Variants in ZNF592 observed in about 807,000 individuals in gnomAD.
ZNF592 encodes spinocerebellar ataxia, autosomal recessive 5.
In ZNF592, 11 loss-of-function variants were observed where a neutral mutation model predicts 80.3. The ratio of observed to expected loss-of-function variants is 0.14; its 90% CI spans 0.09 to 0.23. The LOEUF is 0.23. ZNF592 is among the 10% of genes least tolerant of loss of function. The pLI, the probability that ZNF592 is intolerant of heterozygous loss-of-function variation, is 1.00. For missense variants in ZNF592, 1,420 were observed against 1,633.9 expected (o/e 0.87, Z 2.26); for synonymous variants, 646 against 640.3 (o/e 1.01, Z -0.13).
chr15:84,767,064 G>A (rs1263477740), intron 2 of ZNF592, among the ~76,000 whole-genome samples: 3 of 152,052 alleles, frequency 2.0e-5, no homozygotes. Flanking sequence ...GCGTGATCTC[G>A]GCTCACTACA....
intron 3 of ZNF592, among the ~76,000 whole-genome samples, chr15:84,780,232 C>A (rs1352023269): frequency 6.6e-6 from 1 of 152,110 alleles, no homozygotes; most frequent in Non-Finnish European, 1.5e-5. Context: ...GGTGATCCAC[C>A]TACCTCAGCC....
rs1363961443 is a variant in ZNF592, at chr15:84,803,662, G to C, written c.*1269G>C. The C allele has an allele frequency of 6.6e-6, 1 of 152,234 alleles. No individual in the cohort carries two copies. The highest frequency in any genetic ancestry group is 1.5e-5 in the Non-Finnish European group (1 of 68,038). 9.4% of individuals were successfully genotyped at this position (152,234 alleles called of 1,614,324 possible). A position where few individuals can be genotyped will look rare whatever the true frequency, so the allele number is the denominator to read the frequency against. On this transcript the variant is annotated 3_prime_UTR_variant, in exon 11 of 11. Transcript: ENST00000560079. ...CCCCTTACTGGTAAAAAGGGAAAAG[G>C]GGGTGGAGAAGAGGAATTTTATAAT...
At position 84,784,981 on chromosome 15, in the gene ZNF592, AT is replaced by A; in HGVS notation, c.2220+87del. On this transcript the variant is annotated intron_variant, in intron 4 of 10. Coordinates refer to ENST00000560079, the MANE Select transcript of ZNF592 (RefSeq NM_014630.3). This position sits in a 1 kb window ranked among gnomAD's most constrained non-coding sequence, Gnocchi z 5.8. ...GGCATGGAGAGGAAAGCTCATTGAT[AT>A]GGGGGCAGTGGTGGAATCTTATGAG... The A allele has an allele frequency of 3.5e-6, 5 of 1,434,562 alleles. No homozygotes were observed. The highest frequency in any genetic ancestry group is 4.9e-6 in the Non-Finnish European group (5 of 1,019,190). 88.9% of individuals were successfully genotyped at this position (1,434,562 alleles called of 1,614,324 possible). A position where few individuals can be genotyped will look rare whatever the true frequency, so the allele number is the denominator to read the frequency against.
intron 1 of ZNF592, among the ~76,000 whole-genome samples, chr15:84,757,205 C>G (rs1385210198): frequency 6.6e-6 from 1 of 152,190 alleles, no homozygotes; most frequent in Non-Finnish European, 1.5e-5. Context: ...ATCCTTCCAC[C>G]TTAGCTTCAC....
At position 84,798,892 on chromosome 15, in the gene ZNF592, A is replaced by G; in HGVS notation, c.3024+17A>G. 2 of 1,598,118 alleles carry G rather than the reference A, an allele frequency of 1.3e-6. No individual in the cohort carries two copies. The highest frequency in any genetic ancestry group is 1.7e-6 in the Non-Finnish European group (2 of 1,179,524). On this transcript the variant is annotated intron_variant, in intron 8 of 10. Coordinates refer to ENST00000560079, the MANE Select transcript of ZNF592 (RefSeq NM_014630.3). The surrounding 1 kb of genome is among the most constrained non-coding windows in gnomAD (Gnocchi z 4.5). ...CACGGTCGGGTAAGTGCAGCCACAC[A>G]GTCATAATGCAGAGCCCAGTCCTCT...
At chr15:84,794,101 G>A (rs1962825841) in intron 5 of ZNF592, among the ~76,000 whole-genome samples, 1 of 152,106 alleles carries the variant, frequency 6.6e-6, no homozygotes, top group South Asian at 2.1e-4. Context: ...GCGGGTGGGG[G>A]GCTAGGGGAG....
intron 3 of ZNF592, among the ~76,000 whole-genome samples, chr15:84,779,066 C>T (rs1962348255): frequency 2.6e-5 from 4 of 152,122 alleles, no homozygotes; most frequent in Admixed American, 2.6e-4. Context: ...GGAAGAAACT[C>T]CCTTGTAGAG....
intron 4 of ZNF592, among the ~76,000 whole-genome samples, chr15:84,786,544 C>G (rs1357391950): frequency 6.6e-6 from 1 of 152,116 alleles, no homozygotes; most frequent in Admixed American, 6.5e-5. Flanking sequence ...TTTGGCGGGC[C>G]TGTAGGGCTT....
chr15:84,777,839 A>G (rs1962306605), intron 2 of ZNF592, among the ~76,000 whole-genome samples: 1 of 151,232 alleles, frequency 6.6e-6, no homozygotes, highest in Admixed American at 6.6e-5. Context: ...AGCTGGGACT[A>G]TAGGCGCCCA....
chr15:84,760,657 T>G (rs2141963935), intron 1 of ZNF592, among the ~76,000 whole-genome samples: 1 of 152,166 alleles, frequency 6.6e-6, no homozygotes, highest in African/African-American at 2.4e-5. Flanking sequence ...GGTGTAGAGA[T>G]AGGGTAGCAA....
Position 84,796,265 on chromosome 15 carries a change from T to TATA in ZNF592, c.2400-1604_2400-1603insATA, listed in dbSNP as rs1396711040. ...ATATATATATATATATATATATATA[T>TATA]TTTATATATATATATATATATATAT... On this transcript the variant is annotated intron_variant, in intron 5 of 10. Coordinates refer to ENST00000560079, the MANE Select transcript of ZNF592 (RefSeq NM_014630.3). Among the ~76,000 whole-genome samples the TATA allele has an allele frequency of 3.4e-4, 15 of 43,650 alleles. No homozygotes were observed. The South Asian group carries it at 3.9e-3, about 11-fold the overall frequency. The allele number at this position is 43,650 out of a possible 152,430, so 28.6% of individuals were successfully genotyped here. A position where few individuals can be genotyped will look rare whatever the true frequency, so the allele number is the denominator to read the frequency against.
chr15:84,769,139 C>T (rs573704558), intron 2 of ZNF592, among the ~76,000 whole-genome samples: 3 of 152,064 alleles, frequency 2.0e-5, no homozygotes, highest in African/African-American at 7.2e-5. Context: ...CAGGGTTTCA[C>T]CATGTTGGTG....
rs1219451513 is a variant in ZNF592 at position 84,765,705 on chromosome 15, A to C, written c.-150+890A>C. 2.6e-5 allele frequency among the ~76,000 whole-genome samples: 4 copies of C among 151,742 alleles called. No homozygotes were observed. The South Asian group carries it at 8.4e-4, about 32-fold the overall frequency. On this transcript the variant is annotated intron_variant, in intron 2 of 10. Transcript: ENST00000560079. ...AGGTGCATGCCACCATGCCCAGCTA[A>C]ATTTTATATTTTCAGTAGAGACGGG...
At chr15:84,768,528 G>A (rs1042967061) in intron 2 of ZNF592, among the ~76,000 whole-genome samples, 6 of 151,952 alleles carry the variant, frequency 3.9e-5, no homozygotes, top group African/African-American at 7.3e-5. Context: ...ATGAGCCACC[G>A]TGCCCAGCCT....
intron 2 of ZNF592, among the ~76,000 whole-genome samples, chr15:84,773,307 G>A (rs557092895): frequency 1.5e-3 from 224 of 151,766 alleles, no homozygotes; most frequent in African/African-American, 5.1e-3. Flanking sequence ...CGCCTCCCGG[G>A]TTCACGCCAT....
At chr15:84,769,917 A>G (rs1298593988) in intron 2 of ZNF592, among the ~76,000 whole-genome samples, 2 of 152,178 alleles carry the variant, frequency 1.3e-5, no homozygotes, top group Non-Finnish European at 2.9e-5. Flanking sequence ...CTGGTACTAC[A>G]GGCATGGGCC....
intron 1 of ZNF592, among the ~76,000 whole-genome samples, chr15:84,758,407 C>T (rs1189019261): frequency 2.0e-5 from 3 of 152,066 alleles, no homozygotes; most frequent in Non-Finnish European, 4.4e-5. Flanking sequence ...CTCAGTCACC[C>T]AAGTAGCTGG....
chr15:84,750,591 A>T (rs764035079), intron 1 of ZNF592, among the ~76,000 whole-genome samples: 17 of 152,196 alleles, frequency 1.1e-4, no homozygotes, highest in Non-Finnish European at 1.0e-4. Flanking sequence ...CTTCCTAAGA[A>T]GGTGTCTTTC....
At chr15:84,774,490 A>G (rs1256885042) in intron 2 of ZNF592, among the ~76,000 whole-genome samples, 3 of 152,232 alleles carry the variant, frequency 2.0e-5, no homozygotes, top group African/African-American at 7.2e-5. Context: ...GGGTTCCCTT[A>G]TGGGTTGGAA....
Sources: allele counts gnomAD v4.1 joint callset (sites outside exome capture counted in the v4.1 genomes callset), GRCh38; gene constraint gnomAD v4.1.1; non-coding constraint Gnocchi (gnomAD v3.1); transcripts MANE v1.5; gene names NCBI Gene and HGNC (gene_info 2026-07-23, HGNC 2026-07-21).